ZNF224: variants seen among roughly 807,000 people sequenced by gnomAD.
The protein encoded by ZNF224 is zinc finger protein 224, also known as bone marrow zinc finger 2.
ZNF224 carries 8 observed loss-of-function variants against 10.5 expected under a neutral mutation model. The ratio of observed to expected loss-of-function variants is 0.76; its 90% CI spans 0.45 to 1.37. ZNF224 has a LOEUF of 1.37. Among genes scored for constraint, ZNF224 ranks in the 40% most tolerant of loss-of-function variants. The pLI, the probability that ZNF224 is intolerant of heterozygous loss-of-function variation, is 0.00. For synonymous variants in ZNF224, 282 were observed against 287.8 expected (o/e 0.98, Z 0.20); for missense variants, 754 against 854.0 (o/e 0.88, Z 1.46).
rs1967710895 is a variant in ZNF224 at position 44,107,523 on chromosome 19, C to T, written c.1363C>T (p.Leu455=). ...CCAGCGCGTCCATACAGGAGAGAAACTGTATAATTGTAAGGAATGTGGGAA... is the reference window on the plus strand; with the variant it reads ...CCAGCGCGTCCATACAGGAGAGAAATTGTATAATTGTAAGGAATGTGGGAA... ...FHQRVHTGEK[L]YNCKECGKSF... The change falls in exon 6 of 6, where the codon CTG becomes TTG. Residue 455 remains leucine, a synonymous_variant. Coordinates refer to ENST00000693561, the MANE Select transcript of ZNF224 (RefSeq NM_001321645.3). 1 of 1,610,244 alleles carries T rather than the reference C, an allele frequency of 6.2e-7. No homozygotes were observed. The highest frequency in any genetic ancestry group is 8.5e-7 in the Non-Finnish European group (1 of 1,178,502).
At chr19:44,100,642 G>A (rs897399177) in intron 3 of ZNF224, among the ~76,000 whole-genome samples, 159 bp from the exon 4 acceptor site, 2 of 152,144 alleles carry the variant, frequency 1.3e-5, no homozygotes, top group African/African-American at 4.8e-5. Context: ...ATCAGTCATT[G>A]TCAGGATACA....
chr19:44,104,448 G>A (rs930620094), intron 5 of ZNF224, among the ~76,000 whole-genome samples: 2 of 152,300 alleles, frequency 1.3e-5, no homozygotes, highest in South Asian at 2.1e-4. Flanking sequence ...AAGATAAGCA[G>A]AACTCACTGA....
rs1291815502 is a variant in ZNF224, at chr19:44,109,736, G to T, written c.*1452G>T. On this transcript the variant is annotated 3_prime_UTR_variant, in exon 6 of 6. Coordinates refer to ENST00000693561, the MANE Select transcript of ZNF224 (RefSeq NM_001321645.3). ...TATAATAATATGAACTCAATGAGATGATGACATAGACACAATAACAAAAGG... is the reference window on the plus strand; with the variant it reads ...TATAATAATATGAACTCAATGAGATTATGACATAGACACAATAACAAAAGG... 1 of 152,220 alleles carries T rather than the reference G, an allele frequency of 6.6e-6. No homozygotes were observed. The highest frequency in any genetic ancestry group is 1.5e-5 in the Non-Finnish European group (1 of 68,046). 9.4% of individuals were successfully genotyped at this position (152,220 alleles called of 1,614,324 possible).
chr19:44,107,059 G>A lies in ZNF224; in HGVS notation c.899G>A (p.Arg300Lys). The A allele has an allele frequency of 6.2e-7, 1 of 1,601,830 alleles. No individual in the cohort carries two copies. Among genetic ancestry groups the A allele is most frequent in the Non-Finnish European group, 8.5e-7 (1 of 1,173,126 alleles). ...ATATGTGGTAAGAGCTTCTGTGGTA[G>A]ATCAAGACTTAATAGGCATTCCATG... is the stretch of plus-strand genomic sequence containing the variant. ...CDICGKSFCG[R>K]SRLNRHSMVH... Residue 300 changes from arginine (R) to lysine (K), a missense_variant, in exon 6 of 6, where the codon AGA (arginine) becomes AAA (lysine). By Grantham distance (26) the Arg-to-Lys change is conservative. Coordinates refer to ENST00000693561, the MANE Select transcript of ZNF224 (RefSeq NM_001321645.3).
At chr19:44,105,617 C>T (rs1449813620) in intron 5 of ZNF224, 1 of 152,064 alleles carries the variant, frequency 6.6e-6, no homozygotes, top group Admixed American at 6.6e-5. Context: ...TACCCATCAC[C>T]TGAGTAGTGT....
chr19:44,099,974 T>G (rs1014650358), intron 3 of ZNF224, among the ~76,000 whole-genome samples: 3 of 152,236 alleles, frequency 2.0e-5, no homozygotes, highest in Admixed American at 6.5e-5. Flanking sequence ...AATTAAATAT[T>G]CATTATTTAG....
intron 2 of ZNF224, among the ~76,000 whole-genome samples, chr19:44,096,824 T>C (rs888902778): frequency 6.6e-6 from 1 of 152,254 alleles, no homozygotes; most frequent in Non-Finnish European, 1.5e-5. Context: ...CAAGTTATTT[T>C]GGAGAAAGGC....
chr19:44,096,088 T>C (rs565239699), intron 1 of ZNF224: 1 of 152,304 alleles, frequency 6.6e-6, no homozygotes, highest in Non-Finnish European at 1.5e-5. Context: ...TTCCCCCTTA[T>C]GTGTTTAACT....
Position 44,107,067 on chromosome 19 carries a change from C to G in ZNF224, c.907C>G (p.Leu303Val). 6.2e-7 allele frequency: 1 copy of G among 1,601,638 alleles called. No homozygotes were observed. The highest frequency in any genetic ancestry group is 8.5e-7 in the Non-Finnish European group (1 of 1,173,072). Reference protein sequence around the residue: ...CGKSFCGRSRLNRHSMVHTAE... With the variant: ...CGKSFCGRSRVNRHSMVHTAE... ...TAAGAGCTTCTGTGGTAGATCAAGA[C>G]TTAATAGGCATTCCATGGTTCACAC... is the stretch of plus-strand genomic sequence containing the variant. The change falls in exon 6 of 6, where the codon CTT (leucine) becomes GTT (valine). Residue 303 changes from leucine to valine, a missense_variant. Physicochemically the swap from Leu to Val is conservative, Grantham distance 32. Transcript: ENST00000693561.
Position 44,108,464 on chromosome 19 carries a change from T to G in ZNF224, c.*180T>G. 1 of 687,800 alleles carries G rather than the reference T, an allele frequency of 1.5e-6. No individual in the cohort carries two copies. The highest frequency in any genetic ancestry group is 2.4e-6 in the Non-Finnish European group (1 of 421,116). The allele number at this position is 687,800 out of a possible 1,614,324, so 42.6% of individuals were successfully genotyped here. ...CCCATTCTTGGAAGAGGGAAAACATTTGTTTAAGATAACATCAGTGCTTCA... is the reference window on the plus strand; with the variant it reads ...CCCATTCTTGGAAGAGGGAAAACATGTGTTTAAGATAACATCAGTGCTTCA... On this transcript the variant is annotated 3_prime_UTR_variant, in exon 6 of 6. Transcript: ENST00000693561.
At position 44,109,413 on chromosome 19, in the gene ZNF224, G is replaced by A. The variant is rs929151923; in HGVS notation, c.*1129G>A. The stretch of plus-strand genomic sequence containing the variant: ...TCCAATATTCTTCCACCAACGCTAT[G>A]AAACAGGAAGAGAAAATGGAGTTTG... On this transcript the variant is annotated 3_prime_UTR_variant, in exon 6 of 6. Coordinates refer to ENST00000693561, the MANE Select transcript of ZNF224 (RefSeq NM_001321645.3). The A allele has an allele frequency of 6.6e-6, 1 of 151,910 alleles. No individual in the cohort carries two copies. The highest frequency in any genetic ancestry group is 2.4e-5 in the African/African-American group (1 of 41,340). 9.4% of individuals were successfully genotyped at this position (151,910 alleles called of 1,614,324 possible). A position where few individuals can be genotyped will look rare whatever the true frequency, so the allele number is the denominator to read the frequency against.
rs1156374674 is a variant in ZNF224, at chr19:44,107,564, C to T, written c.1404C>T (p.Ala468=). 1 of 1,613,312 alleles carries T rather than the reference C, an allele frequency of 6.2e-7. No homozygotes were observed. Among genetic ancestry groups the T allele is most frequent in the African/African-American group, 1.3e-5 (1 of 74,732 alleles). The change falls in exon 6 of 6, where the codon GCC becomes GCT. Residue 468 remains alanine (A), a synonymous_variant. Coordinates refer to ENST00000693561, the MANE Select transcript of ZNF224 (RefSeq NM_001321645.3). ...CKECGKSFSR[A]PCLLKHERLH... Reference sequence around the variant, plus strand: ...AATGTGGGAAGAGCTTTAGTCGGGCCCCATGTCTTTTGAAACATGAGAGAC... The same window carrying T: ...AATGTGGGAAGAGCTTTAGTCGGGCTCCATGTCTTTTGAAACATGAGAGAC...
chr19:44,095,702 C>G (rs938161092), intron 1 of ZNF224: 6 of 152,188 alleles, frequency 3.9e-5, no homozygotes, highest in African/African-American at 1.4e-4. Context: ...GGGCGGATCA[C>G]GAGGTCAGGA....
In ZNF224 at chr19:44,108,242, C is replaced by A. The variant is rs200490430; in HGVS notation, c.2082C>A (p.Ser694Arg). ...ATATGTGCTTTAGTCAGGCCTCAAG[C>A]CTTCGACTTCATCAGAATGTTCATG... is the stretch of plus-strand genomic sequence containing the variant. Reference protein sequence around the residue: ...ECDMCFSQASSLRLHQNVHVG... With the variant: ...ECDMCFSQASRLRLHQNVHVG... The change falls in exon 6 of 6, where the codon AGC (serine) becomes AGA (arginine). Residue 694 changes from serine to arginine, a missense_variant. Coordinates refer to ENST00000693561, the MANE Select transcript of ZNF224 (RefSeq NM_001321645.3). 59 of 1,612,926 alleles carry A rather than the reference C, an allele frequency of 3.7e-5. No individual in the cohort carries two copies. The highest frequency in any genetic ancestry group is 6.7e-5 in the African/African-American group (5 of 74,888).
In ZNF224 at chr19:44,106,913, T is replaced by C. The variant is rs7508149; in HGVS notation, c.753T>C (p.His251=). The C allele has an allele frequency of 0.82, 1,326,035 of 1,608,910 alleles. 555,057 individuals carry two copies. Among genetic ancestry groups the C allele is most frequent in the Non-Finnish European group, 0.87 (1,025,786 of 1,177,252 alleles). The change falls in exon 6 of 6, where the codon CAT becomes CAC. Residue 251 remains histidine (H), a synonymous_variant. Transcript: ENST00000693561. The part of the protein sequence containing the change: ...FSRRSALNVH[H]KLHTGEKPYN... ...GTAGATCAGCACTTAATGTTCATCA[T>C]AAATTACACACAGGAGAGAAACCTT... is the stretch of plus-strand genomic sequence containing the variant.
At chr19:44,097,171 C>T (rs1967452626) in intron 2 of ZNF224, 1 of 164,830 alleles carries the variant, frequency 6.1e-6, no homozygotes, top group Non-Finnish European at 1.3e-5. Context: ...ATGACCTTCT[C>T]CATTTATTCT....
At chr19:44,098,858 C>A (rs1445883826) in intron 3 of ZNF224, among the ~76,000 whole-genome samples, 2 of 152,218 alleles carry the variant, frequency 1.3e-5, no homozygotes, top group Non-Finnish European at 1.5e-5. Flanking sequence ...GAATTACAGG[C>A]GTGAGCCACC....
In ZNF224 at chr19:44,107,391, A is replaced by C. The variant is rs3208206; in HGVS notation, c.1231A>C (p.Thr411Pro). ...KCEECGKGFYTNSQCYSHQRS... is the reference protein window; with the variant it reads ...KCEECGKGFYPNSQCYSHQRS... ...TGAAGAATGTGGGAAAGGATTTTACACAAATTCACAATGCTATTCCCACCA... is the reference window on the plus strand; with the variant it reads ...TGAAGAATGTGGGAAAGGATTTTACCCAAATTCACAATGCTATTCCCACCA... Residue 411 changes from threonine (T) to proline (P), a missense_variant, in exon 6 of 6, where the codon ACA (threonine) becomes CCA (proline). Coordinates refer to ENST00000693561, the MANE Select transcript of ZNF224 (RefSeq NM_001321645.3). The C allele has an allele frequency of 3.7e-6, 6 of 1,605,882 alleles. No individual in the cohort carries two copies. Among genetic ancestry groups the C allele is most frequent in the Admixed American group, 3.4e-5 (2 of 58,420 alleles).
rs115981901 is a variant in ZNF224, at chr19:44,108,260, T to C, written c.2100T>C (p.Asn700=). 2,225 of 1,610,814 alleles carry C rather than the reference T, an allele frequency of 1.4e-3. 38 individuals carry two copies. The African/African-American group carries it at 0.027, about 19-fold the overall frequency. ...SQASSLRLHQ[N]VHVGEKP The stretch of plus-strand genomic sequence containing the variant: ...CCTCAAGCCTTCGACTTCATCAGAA[T>C]GTTCATGTTGGAGAAAAACCTTAGT... Residue 700 remains asparagine (N), a synonymous_variant, in exon 6 of 6, where the codon AAT becomes AAC. Transcript: ENST00000693561.
Sources: allele counts gnomAD v4.1 joint callset (sites outside exome capture counted in the v4.1 genomes callset), GRCh38; gene constraint gnomAD v4.1.1; transcripts MANE v1.5; gene names NCBI Gene and HGNC (gene_info 2026-07-23, HGNC 2026-07-21).